The following GRID2 variants were observed in gnomAD, a reference collection of about 807,000 sequenced individuals.
GRID2 encodes the protein glutamate receptor ionotropic, delta-2.
In GRID2, 33 loss-of-function variants were observed where a neutral mutation model predicts 114.8. That is an observed-to-expected ratio of 0.29 (90% confidence interval 0.22 to 0.38). GRID2 has a LOEUF of 0.38. Ranked by LOEUF, GRID2 falls within the 10% of genes least tolerant of loss-of-function variation. The probability of loss-of-function intolerance (pLI) is 1.00; values close to 1 mark genes in which losing one functional copy is unlikely to be tolerated. For missense variants in GRID2, 1,184 were observed against 1,257.7 expected, an observed-to-expected ratio of 0.94 and a Z score of 0.89; for synonymous variants, 505 against 449.9, an observed-to-expected ratio of 1.12 and a Z score of -1.55.
chr4:93,591,804 A>T (rs1008306076), intron 13 of GRID2, among the ~76,000 whole-genome samples: 1 of 152,108 alleles, frequency 6.6e-6, no homozygotes, highest in Non-Finnish European at 1.5e-5. Context: ...TGTGTCGAGG[A>T]ATTTATCCAT....
chr4:93,147,582 G>A lies in GRID2; in HGVS notation c.735+36629G>A, dbSNP rs550650462. Among the ~76,000 whole-genome samples the A allele has an allele frequency of 5.9e-5, 9 of 152,284 alleles. No individual in the cohort carries two copies. In the East Asian group the frequency reaches 1.2e-3, roughly 20 times the overall value. On this transcript the variant is annotated intron_variant, in intron 4 of 15. Coordinates refer to ENST00000282020, the MANE Select transcript of GRID2 (RefSeq NM_001510.4). The stretch of plus-strand genomic sequence containing the variant: ...TTCTAGGATGTGTGAGGAGGGAAGA[G>A]AGGACATTAAGGCTGCTTGCTTCAT...
At chr4:93,412,237 C>A (rs568279635) in intron 9 of GRID2, among the ~76,000 whole-genome samples, 16 of 150,960 alleles carry the variant, frequency 1.1e-4, no homozygotes, top group South Asian at 4.2e-4. Context: ...CATCCCCCCC[C>A]CCCAAAAAAA....
At chr4:93,589,103 AG>A (rs1366596576) in intron 13 of GRID2, among the ~76,000 whole-genome samples, 1 of 151,792 alleles carries the variant, frequency 6.6e-6, no homozygotes, top group Non-Finnish European at 1.5e-5. Context: ...CACATTGTGC[AG>A]GTTAGTTACA....
intron 8 of GRID2, among the ~76,000 whole-genome samples, chr4:93,336,538 G>T (rs1011201039): frequency 6.6e-6 from 1 of 152,106 alleles, no homozygotes; most frequent in Non-Finnish European, 1.5e-5. Flanking sequence ...GTATATGTGT[G>T]GGATATTCTC....
chr4:93,593,621 A>G (rs376452841), intron 13 of GRID2, among the ~76,000 whole-genome samples: 2,727 of 149,590 alleles, frequency 0.018, 36 homozygotes, highest in East Asian at 0.046. Context: ...GATTGGGGAA[A>G]TTCTCCAGGA....
chr4:92,568,727 C>T (rs960379239), intron 1 of GRID2, among the ~76,000 whole-genome samples: 6 of 151,934 alleles, frequency 3.9e-5, no homozygotes, highest in African/African-American at 1.2e-4. Flanking sequence ...CTCTTCCCAC[C>T]TTCACCCTCC....
At chr4:92,530,339 CTTG>C (rs896025396) in intron 1 of GRID2, among the ~76,000 whole-genome samples, 3 of 151,636 alleles carry the variant, frequency 2.0e-5, no homozygotes, top group Admixed American at 6.6e-5. Flanking sequence ...AAAGTAATGC[CTTG>C]TTGTGTGATG....
chr4:93,449,815 C>T (rs1178224180), intron 10 of GRID2, among the ~76,000 whole-genome samples: 2 of 151,932 alleles, frequency 1.3e-5, no homozygotes, highest in Non-Finnish European at 2.9e-5. Context: ...TAAAGGCTTG[C>T]TCCTCAACTT....
At chr4:92,675,627 T>A (rs1733311739) in intron 2 of GRID2, among the ~76,000 whole-genome samples, 1 of 151,422 alleles carries the variant, frequency 6.6e-6, no homozygotes, top group African/African-American at 2.4e-5. Flanking sequence ...CTTGGCTCAC[T>A]GCAAGCTCCG....
intron 2 of GRID2, among the ~76,000 whole-genome samples, chr4:92,759,586 G>A (rs987707875): frequency 3.3e-5 from 5 of 151,848 alleles, no homozygotes; most frequent in Non-Finnish European, 5.9e-5. Flanking sequence ...GTGTATATGT[G>A]TATCATCTAT....
intron 8 of GRID2, among the ~76,000 whole-genome samples, chr4:93,344,288 G>C (rs1759963784): frequency 6.6e-6 from 1 of 151,922 alleles, no homozygotes; most frequent in South Asian, 2.1e-4. Context: ...ATAAAAATAA[G>C]ACTTTATGGA....
intron 2 of GRID2, among the ~76,000 whole-genome samples, chr4:92,593,502 A>T (rs1277345047): frequency 1.3e-5 from 2 of 151,948 alleles, no homozygotes; most frequent in Admixed American, 6.6e-5. Flanking sequence ...TGGCTACAGT[A>T]CATTTTTGGA....
At chr4:92,657,599 C>T (rs1372866887) in intron 2 of GRID2, among the ~76,000 whole-genome samples, 2 of 151,082 alleles carry the variant, frequency 1.3e-5, no homozygotes, top group Non-Finnish European at 3.0e-5. Context: ...TGTGTCATTT[C>T]GATGCCAGAG....
At chr4:92,352,660 C>T (rs1458944148) in intron 1 of GRID2, among the ~76,000 whole-genome samples, 3 of 151,974 alleles carry the variant, frequency 2.0e-5, no homozygotes, top group Non-Finnish European at 4.4e-5. Flanking sequence ...TCCCTAATAA[C>T]TAATGATGCT....
At chr4:93,057,758 A>G (rs752371085) in intron 2 of GRID2, among the ~76,000 whole-genome samples, 7 of 151,794 alleles carry the variant, frequency 4.6e-5, no homozygotes, top group Non-Finnish European at 1.0e-4. Flanking sequence ...AAAACATTAT[A>G]ATATTCAATG....
chr4:93,649,708 C>T (rs1423537815), intron 14 of GRID2, among the ~76,000 whole-genome samples: 2 of 151,994 alleles, frequency 1.3e-5, no homozygotes, highest in African/African-American at 4.8e-5. Flanking sequence ...ATGAAGTCTC[C>T]AAGAGGAGAG....
chr4:93,593,907 A>G (rs1738713675), intron 13 of GRID2, among the ~76,000 whole-genome samples: 1 of 151,730 alleles, frequency 6.6e-6, no homozygotes, highest in Non-Finnish European at 1.5e-5. Context: ...CAGGTCCATC[A>G]GCTCCTTTAA....
At chr4:92,432,089 A>G (rs1237277629) in intron 1 of GRID2, among the ~76,000 whole-genome samples, 2 of 152,140 alleles carry the variant, frequency 1.3e-5, no homozygotes, top group Admixed American at 6.5e-5. Flanking sequence ...CTTTCCCCTC[A>G]ACAAGCAGAG....
At position 93,627,637 on chromosome 4, in the gene GRID2, G is replaced by T. The variant is rs186170961; in HGVS notation, c.2360+1202G>T. Among the ~76,000 whole-genome samples, 10 of 152,322 alleles carry T rather than the reference G, an allele frequency of 6.6e-5. No individual in the cohort carries two copies. In the East Asian group the frequency reaches 1.2e-3, roughly 18 times the overall value. ...TGGGTCAACTGCAGTCCTACTCTGT[G>T]CAAGCTTCTCATTCCAAGGCCCAGG... On this transcript the variant is annotated intron_variant, in intron 14 of 15. Coordinates refer to ENST00000282020, the MANE Select transcript of GRID2 (RefSeq NM_001510.4).
Sources: gnomAD v4.1 joint callset for allele counts (sites outside exome capture counted in the v4.1 genomes callset) on GRCh38, gnomAD v4.1.1 for gene constraint, MANE v1.5 for transcripts, NCBI Gene and HGNC (gene_info 2026-07-23, HGNC 2026-07-21) for gene names.